The following TBC1D31 variants were observed in gnomAD, a reference collection of about 807,000 sequenced individuals.
TBC1D31 encodes TBC1 domain family member 31.
A neutral mutation model predicts 132.9 loss-of-function variants in TBC1D31; 99 were observed. That is an observed-to-expected ratio of 0.74 (90% CI 0.63 to 0.88). The LOEUF (loss-of-function observed/expected upper bound fraction) is 0.88, where lower values mean the gene tolerates loss of function less well. Among genes scored for constraint, TBC1D31 ranks in the 40% least tolerant of loss-of-function variants. The pLI, the probability that TBC1D31 is intolerant of heterozygous loss-of-function variation, is 0.00. For synonymous variants in TBC1D31, 385 were observed against 419.4 expected (o/e 0.92, Z 1.00); for missense variants, 1,134 against 1,256.6 (o/e 0.90, Z 1.48).
At chr8:123,088,162 G>T (rs1815969545) in intron 4 of TBC1D31, among the ~76,000 whole-genome samples, 1 of 150,830 alleles carries the variant, frequency 6.6e-6, no homozygotes, top group Non-Finnish European at 1.5e-5. Flanking sequence ...GCACTCCAGT[G>T]TGGGCAACAG....
Position 123,152,039 on chromosome 8 carries a change from C to T in TBC1D31, c.*100C>T. On this transcript the variant is annotated 3_prime_UTR_variant, in exon 22 of 22. Coordinates refer to ENST00000287380, the MANE Select transcript of TBC1D31 (RefSeq NM_145647.4). Reference sequence around the variant, plus strand: ...TTTAAAATTCCTATAAAGATCAGCCCTTTGTACAGAAAAATGTGTCTATAA... The same window carrying T: ...TTTAAAATTCCTATAAAGATCAGCCTTTTGTACAGAAAAATGTGTCTATAA... 8.6e-7 allele frequency: 1 copy of T among 1,163,874 alleles called. No homozygotes were observed. The highest frequency in any genetic ancestry group is 1.1e-6 in the Non-Finnish European group (1 of 896,450). 72.1% of individuals were successfully genotyped at this position (1,163,874 alleles called of 1,614,324 possible).
At chr8:123,092,182 T>A (rs1816392403) in intron 4 of TBC1D31, among the ~76,000 whole-genome samples, 1 of 152,018 alleles carries the variant, frequency 6.6e-6, no homozygotes. Flanking sequence ...ACCCGGCTAA[T>A]TTTTGTATTT....
chr8:123,161,525 C>A, the TBC1D31 span, among the ~76,000 whole-genome samples: 1 of 152,198 alleles, frequency 6.6e-6, no homozygotes, highest in Non-Finnish European at 1.5e-5. Flanking sequence ...TCACCGCCCC[C>A]CTTCTCAGCA....
chr8:123,157,986 TG>T, the TBC1D31 span, among the ~76,000 whole-genome samples: 3 of 151,594 alleles, frequency 2.0e-5, no homozygotes, highest in African/African-American at 7.3e-5. Context: ...AGTGCCCTGT[TG>T]CACACTTGAG....
At chr8:123,117,777 A>T (rs933664219) in intron 10 of TBC1D31, among the ~76,000 whole-genome samples, 63 of 146,504 alleles carry the variant, frequency 4.3e-4, no homozygotes, top group Non-Finnish European at 7.8e-4. Flanking sequence ...AAAAAAAAAA[A>T]AAATTAATTG....
At chr8:123,113,185 A>G (rs1012083407) in intron 10 of TBC1D31, among the ~76,000 whole-genome samples, 1 of 152,196 alleles carries the variant, frequency 6.6e-6, no homozygotes, top group Non-Finnish European at 1.5e-5. Flanking sequence ...TTTATCAATA[A>G]GTAAAAGTTA....
chr8:123,080,098 A>G (rs112505627), intron 2 of TBC1D31, among the ~76,000 whole-genome samples: 93 of 152,356 alleles, frequency 6.1e-4, no homozygotes, highest in African/African-American at 2.1e-3. Flanking sequence ...ATTAATATCT[A>G]TCATGCGTGT....
Position 123,082,681 on chromosome 8 carries a change from A to G in TBC1D31, c.225-21A>G, listed in dbSNP as rs752364951. On this transcript the variant is annotated intron_variant, in intron 2 of 21. Transcript: ENST00000287380. ...AATTATTGGAAGAATTTGTGATACT[A>G]ATGCAATGATCTCTTAATAGGTTCA... 18 of 1,501,412 alleles carry G rather than the reference A, an allele frequency of 1.2e-5. No homozygotes were observed. The South Asian group carries it at 2.0e-4, about 16-fold the overall frequency. The allele number at this position is 1,501,412 out of a possible 1,614,324, so 93.0% of individuals were successfully genotyped here.
chr8:123,110,228 T>G (rs1017119431), intron 10 of TBC1D31, among the ~76,000 whole-genome samples: 1 of 152,210 alleles, frequency 6.6e-6, no homozygotes, highest in East Asian at 1.9e-4. Flanking sequence ...TAATTTTTTT[T>G]ATCTAAAAGT....
intron 1 of TBC1D31, chr8:123,073,576 G>A (rs1264056595): frequency 8.4e-6 from 3 of 355,638 alleles, no homozygotes; most frequent in Non-Finnish European, 1.7e-5. Context: ...ACAAAGCGGT[G>A]CCATTTGGAT....
chr8:123,093,524 A>G (rs1816551070), intron 4 of TBC1D31, 67 bp from the exon 5 acceptor site: 17 of 1,113,280 alleles, frequency 1.5e-5, no homozygotes, highest in Non-Finnish European at 2.0e-5. Flanking sequence ...GACTACTTGT[A>G]TAATTTTAAA....
chr8:123,153,216 G>A (rs1260911296), downstream of TBC1D31, among the ~76,000 whole-genome samples: 3 of 152,100 alleles, frequency 2.0e-5, no homozygotes, highest in Admixed American at 1.3e-4. Context: ...GGGAACTTTG[G>A]TAGACTAGAA....
At chr8:123,160,506 G>C in the TBC1D31 span, among the ~76,000 whole-genome samples, 1 of 152,084 alleles carries the variant, frequency 6.6e-6, no homozygotes, top group African/African-American at 2.4e-5. Context: ...AGGAGCAGGA[G>C]GAGGAGGAGG....
rs1814608877 is a variant in TBC1D31, at chr8:123,077,119, T to C, written c.86T>C (p.Val29Ala). ...PSPATRDGII[V>A]NIIHNTSDYH... ...GTTTTTTTCTTTGACAGAATTATAGTGAACATTATTCACAACACTTCCGAT... is the reference window on the plus strand; with the variant it reads ...GTTTTTTTCTTTGACAGAATTATAGCGAACATTATTCACAACACTTCCGAT... The change falls in exon 2 of 22, where the codon GTG becomes GCG. Residue 29 changes from valine (V) to alanine (A), a missense_variant. Val to Ala is a moderately conservative substitution (Grantham distance 64). Transcript: ENST00000287380. The C allele has an allele frequency of 6.2e-7, 1 of 1,600,198 alleles. No homozygotes were observed. Among genetic ancestry groups the C allele is most frequent in the Admixed American group, 1.8e-5 (1 of 56,388 alleles).
intron 7 of TBC1D31, chr8:123,102,711 C>T (rs1817561798): frequency 6.4e-6 from 1 of 156,776 alleles, no homozygotes; most frequent in African/African-American, 2.4e-5. Flanking sequence ...ACCAGATACC[C>T]TTTTTCCCAG....
At chr8:123,134,300 G>T in intron 17 of TBC1D31, 94 bp downstream of exon 17, 1 of 921,188 alleles carries the variant, frequency 1.1e-6, no homozygotes, top group East Asian at 2.6e-5. Flanking sequence ...AGGATGAGGT[G>T]GAAGGAGGAT....
chr8:123,084,771 T>A (rs1474490066), intron 4 of TBC1D31, among the ~76,000 whole-genome samples: 1 of 133,998 alleles, frequency 7.5e-6, no homozygotes, highest in Non-Finnish European at 1.6e-5. Flanking sequence ...TCTATCCATC[T>A]TTCTTTTTTT....
intron 18 of TBC1D31, 83 bp downstream of exon 18, chr8:123,140,984 A>G: frequency 7.7e-7 from 1 of 1,306,972 alleles, no homozygotes; most frequent in Non-Finnish European, 1.1e-6. Flanking sequence ...TCGAAATTAA[A>G]CTCTGTGAAG....
chr8:123,155,203 T>C (rs1356138622), downstream of TBC1D31, among the ~76,000 whole-genome samples: 1 of 152,120 alleles, frequency 6.6e-6, no homozygotes, highest in Non-Finnish European at 1.5e-5. The surrounding 1 kb of genome is among the most constrained non-coding windows in gnomAD (Gnocchi z 4.1). Context: ...TCTGGCCTCC[T>C]CACTCACCTC....
Sources: gnomAD v4.1 joint callset for allele counts (sites outside exome capture counted in the v4.1 genomes callset) on GRCh38, gnomAD v4.1.1 for gene constraint, Gnocchi (gnomAD v3.1) non-coding constraint, MANE v1.5 for transcripts, NCBI Gene and HGNC (gene_info 2026-07-23, HGNC 2026-07-21) for gene names.